The following ABCC6 variants were observed in gnomAD, a reference collection of about 807,000 sequenced individuals.
ABCC6 encodes ATP-binding cassette sub-family C member 6.
In ABCC6, 126 loss-of-function variants were observed where a neutral mutation model predicts 169.5. That is an observed-to-expected ratio of 0.74 (90% CI 0.64 to 0.86). The LOEUF is 0.86. Ranked by LOEUF, ABCC6 falls within the 40% of genes least tolerant of loss-of-function variation. The pLI is 0.00. For missense variants in ABCC6, 1,733 were observed against 1,927.2 expected (o/e 0.90, Z 1.89); for synonymous variants, 752 against 814.7 (o/e 0.92, Z 1.31).
chr16:16,160,975 C>T (rs1319408114), intron 25 of ABCC6, among the ~76,000 whole-genome samples: 3 of 152,094 alleles, frequency 2.0e-5, no homozygotes, highest in Admixed American at 1.3e-4. Context: ...CATAGTGGCT[C>T]ACGCCTGTAA....
At chr16:16,173,715 G>C (rs1478856871) in intron 20 of ABCC6, among the ~76,000 whole-genome samples, 5 of 111,172 alleles carry the variant, frequency 4.5e-5, no homozygotes, top group Admixed American at 2.7e-4. Flanking sequence ...TTTTTTTTGA[G>C]ATGGGGTCTT....
At chr16:16,160,257 A>G (rs752225996) in intron 25 of ABCC6, among the ~76,000 whole-genome samples, 25 of 152,120 alleles carry the variant, frequency 1.6e-4, no homozygotes, top group Non-Finnish European at 3.1e-4. Context: ...CTCTTACTTC[A>G]TCCTTAAGCT....
intron 14 of ABCC6, 84 bp from the exon 15 acceptor site, chr16:16,185,118 G>GCC: frequency 8.5e-7 from 1 of 1,180,542 alleles, no homozygotes; most frequent in Non-Finnish European, 1.3e-6. Context: ...ACCATCCCCC[G>GCC]CCCCCCCCAG....
intron 14 of ABCC6, 146 bp from the exon 15 acceptor site, chr16:16,185,180 C>A: frequency 2.6e-6 from 2 of 777,012 alleles, no homozygotes; most frequent in Non-Finnish European, 4.4e-6. Flanking sequence ...TGCCCTGCTA[C>A]TCACTGGCTT....
At position 16,182,851 on chromosome 16, in the gene ABCC6, C is replaced by A; in HGVS notation, c.2023G>T (p.Ala675Ser). The A allele has an allele frequency of 1.2e-6, 2 of 1,614,078 alleles. No individual in the cohort carries two copies. The highest frequency in any genetic ancestry group is 2.2e-5 in the South Asian group (2 of 91,076). Residue 675 changes from alanine (A) to serine (S), a missense_variant, in exon 16 of 31, where the codon GCC becomes TCC. Transcript: ENST00000205557. ...ACCTTTGACAGCTCCCCAAGGAGGG[C>A]GGACAGCAGGGAGGACTTCCCTGCC... is the stretch of plus-strand genomic sequence containing the variant. ...VGAGKSSLLS[A>S]LLGELSKVEG...
intron 25 of ABCC6, among the ~76,000 whole-genome samples, chr16:16,160,313 A>T (rs1043177522): frequency 2.6e-5 from 4 of 152,134 alleles, no homozygotes; most frequent in Non-Finnish European, 5.9e-5. Flanking sequence ...TGCTTCTCTG[A>T]TGGGGTTGTG....
intron 26 of ABCC6, 40 bp downstream of exon 26, chr16:16,159,442 T>A: frequency 2.0e-6 from 3 of 1,478,954 alleles, no homozygotes; most frequent in Non-Finnish European, 2.8e-6. Flanking sequence ...CCCCACAATA[T>A]GTCCTTGCTG....
chr16:16,186,724 A>T (rs571341733), intron 14 of ABCC6, among the ~76,000 whole-genome samples: 1 of 151,388 alleles, frequency 6.6e-6, no homozygotes, highest in Admixed American at 6.6e-5. Flanking sequence ...ATTTCATTAT[A>T]TAGTACAATG....
rs745373850 is a variant in ABCC6, at chr16:16,188,974, C to T, written c.1636G>A (p.Val546Ile). ...TGGACAGCAAACACCACCAGTGCGA[C>T]CTGGGGGGTGGGGGGGACACGTGGG... is the stretch of plus-strand genomic sequence containing the variant. The part of the protein sequence containing the change: ...LVSFQVSTFL[V>I]ALVVFAVHTL... Residue 546 changes from valine (V) to isoleucine (I), a missense_variant and splice_region_variant, in exon 13 of 31, where the codon GTC becomes ATC. Transcript: ENST00000205557. 1.2e-6 allele frequency: 2 copies of T among 1,613,824 alleles called. No individual in the cohort carries two copies. The highest frequency in any genetic ancestry group is 1.7e-5 in the Admixed American group (1 of 60,022).
chr16:16,176,352 A>G (rs549427576), intron 19 of ABCC6, among the ~76,000 whole-genome samples: 81 of 152,248 alleles, frequency 5.3e-4, no homozygotes, highest in Non-Finnish European at 1.0e-3. Flanking sequence ...CTCAGGTACC[A>G]TCTCCCCTAG....
chr16:16,205,448 A>AT (rs2048365494), intron 7 of ABCC6, among the ~76,000 whole-genome samples: 1 of 151,754 alleles, frequency 6.6e-6, no homozygotes, highest in African/African-American at 2.4e-5. Context: ...GCATAAGAAA[A>AT]ACCTCTGGTG....
chr16:16,161,946 G>A lies in ABCC6; in HGVS notation c.3507-382C>T, dbSNP rs143353478. ...ATGTGGAGGGAGGGATCTGGTGGGA[G>A]GTGACTGGATCATGGGGGCAGTTTT... is the stretch of plus-strand genomic sequence containing the variant. On this transcript the variant is annotated intron_variant, in intron 24 of 30. Coordinates refer to ENST00000205557, the MANE Select transcript of ABCC6 (RefSeq NM_001171.6). 8.8e-3 allele frequency among the ~76,000 whole-genome samples: 1,346 copies of A among 152,190 alleles called. 12 individuals carry two copies. Among genetic ancestry groups the A allele is most frequent in the South Asian group, 0.037 (178 of 4,814 alleles).
rs983883301 is a variant in ABCC6, at chr16:16,149,792, CAG to C, written c.*339_*340del. Reference sequence around the variant, plus strand: ...CACACAGCATGGCAGTTCCCAGCCTCAGAGATTCTGATTTAAGGGTCTAGCCG... The same window carrying C: ...CACACAGCATGGCAGTTCCCAGCCTCAGATTCTGATTTAAGGGTCTAGCCG... On this transcript the variant is annotated 3_prime_UTR_variant, in exon 31 of 31. Coordinates refer to ENST00000205557, the MANE Select transcript of ABCC6 (RefSeq NM_001171.6). 1 of 453,112 alleles carries C rather than the reference CAG, an allele frequency of 2.2e-6. No homozygotes were observed. Among genetic ancestry groups the C allele is most frequent in the Non-Finnish European group, 4.1e-6 (1 of 244,962 alleles). The allele number at this position is 453,112 out of a possible 1,614,324, so 28.1% of individuals were successfully genotyped here.
At chr16:16,195,558 C>A (rs970128786) in intron 10 of ABCC6, among the ~76,000 whole-genome samples, 3 of 152,072 alleles carry the variant, frequency 2.0e-5, no homozygotes, top group African/African-American at 7.2e-5. Flanking sequence ...AGTGTTCTGC[C>A]GGCCTTCACC....
Position 16,182,602 on chromosome 16 carries a change from TAC to T in ABCC6, c.2071-16_2071-15del. The T allele has an allele frequency of 6.2e-7, 1 of 1,610,334 alleles. No homozygotes were observed. The highest frequency in any genetic ancestry group is 1.1e-5 in the South Asian group (1 of 90,836). ...GGCCACAGCACCCTAAAACACAACT[TAC>T]TTTGGTCACAGGAGGATGATGGGGA... is the stretch of plus-strand genomic sequence containing the variant. On this transcript the variant is annotated splice_polypyrimidine_tract_variant and intron_variant, in intron 16 of 30. Coordinates refer to ENST00000205557, the MANE Select transcript of ABCC6 (RefSeq NM_001171.6).
chr16:16,159,579 G>C lies in ABCC6; in HGVS notation c.3638C>G (p.Thr1213Ser). ...GCGAACAACCCACTGCAGTGTCTGGGTCACCTGGTGCAAGAAAGCCTCTCT... is the reference window on the plus strand; with the variant it reads ...GCGAACAACCCACTGCAGTGTCTGGCTCACCTGGTGCAAGAAAGCCTCTCT... ...GFSVSAALQV[T>S]QTLQWVVRNW... The change falls in exon 26 of 31, where the codon ACC becomes AGC. Residue 1213 changes from threonine (T) to serine (S), a missense_variant. By Grantham distance (58) the Thr-to-Ser change is moderately conservative. Around this residue, in one of 5 missense-constraint regions of ABCC6, gnomAD observed 1,601 missense variants for 1,635.5 expected, o/e 0.98. Coordinates refer to ENST00000205557, the MANE Select transcript of ABCC6 (RefSeq NM_001171.6). 1 of 1,614,096 alleles carries C rather than the reference G, an allele frequency of 6.2e-7. No individual in the cohort carries two copies. The highest frequency in any genetic ancestry group is 8.5e-7 in the Non-Finnish European group (1 of 1,179,984).
At chr16:16,201,442 A>G (rs1460671209) in intron 9 of ABCC6, among the ~76,000 whole-genome samples, 3 of 152,310 alleles carry the variant, frequency 2.0e-5, no homozygotes, top group Admixed American at 2.0e-4. Flanking sequence ...AACAGCTGCA[A>G]AGGCCCCAGG....
At chr16:16,204,832 C>G (rs1282992310) in intron 7 of ABCC6, among the ~76,000 whole-genome samples, 3 of 145,396 alleles carry the variant, frequency 2.1e-5, no homozygotes, top group Admixed American at 6.9e-5. Context: ...TTTTCTTTTT[C>G]TTTTCTTTTT....
At chr16:16,180,840 TATC>T (rs2047442492) in intron 17 of ABCC6, among the ~76,000 whole-genome samples, 2 of 152,204 alleles carry the variant, frequency 1.3e-5, no homozygotes, top group African/African-American at 4.8e-5. Context: ...ACTGCCTCGT[TATC>T]ATAAACCAGG....
Sources: gnomAD v4.1 joint callset for allele counts (sites outside exome capture counted in the v4.1 genomes callset) on GRCh38, gnomAD v4.1.1 for gene constraint, gnomAD v4.1.1 regional missense constraint, MANE v1.5 for transcripts, NCBI Gene and HGNC (gene_info 2026-07-23, HGNC 2026-07-21) for gene names.